Variants in LRRTM4 observed in about 807,000 individuals in gnomAD.
LRRTM4 encodes the protein leucine rich repeat transmembrane neuronal 4, also known as leucine-rich repeat transmembrane neuronal protein 4.
Under a neutral mutation model 47.6 loss-of-function variants are expected in LRRTM4, and 25 were observed. The ratio of observed to expected loss-of-function variants is 0.53; its 90% CI spans 0.38 to 0.73. LRRTM4 has a LOEUF of 0.73. Ranked by LOEUF, LRRTM4 falls within the 30% of genes least tolerant of loss-of-function variation. The pLI is 0.00. For synonymous variants in LRRTM4, 311 were observed against 269.5 expected (o/e 1.15, Z -1.51); for missense variants, 638 against 713.4 (o/e 0.89, Z 1.20).
intron 3 of LRRTM4, among the ~76,000 whole-genome samples, chr2:76,868,718 G>A (rs1035892702): frequency 1.1e-4 from 17 of 152,122 alleles, no homozygotes; most frequent in Non-Finnish European, 4.4e-5. Flanking sequence ...GCCGGAGGAA[G>A]CCTGGTCCCT....
chr2:76,784,273 G>A (rs1244391154), intron 3 of LRRTM4, among the ~76,000 whole-genome samples: 2 of 151,986 alleles, frequency 1.3e-5, no homozygotes, highest in African/African-American at 2.4e-5. Flanking sequence ...ATTAAGCGAT[G>A]CTTTATAATC....
intron 3 of LRRTM4, among the ~76,000 whole-genome samples, chr2:76,878,905 G>A (rs1158611595): frequency 6.6e-6 from 1 of 152,038 alleles, no homozygotes; most frequent in East Asian, 1.9e-4. Flanking sequence ...CAGCCTTACT[G>A]CTGATATGAA....
At chr2:76,939,258 T>C (rs1245149724) in intron 3 of LRRTM4, among the ~76,000 whole-genome samples, 2 of 152,184 alleles carry the variant, frequency 1.3e-5, no homozygotes. Flanking sequence ...CTTGCTCAGA[T>C]AACATTTCAG....
At chr2:77,063,902 A>G (rs1409851073) in intron 3 of LRRTM4, among the ~76,000 whole-genome samples, 1 of 152,152 alleles carries the variant, frequency 6.6e-6, no homozygotes, top group Non-Finnish European at 1.5e-5. Context: ...TAAAATAAAG[A>G]TGACTAATGG....
rs1029957821 is a variant in LRRTM4 at position 77,062,403 on chromosome 2, A to G, written c.1552-313487T>C. Among the ~76,000 whole-genome samples the G allele has an allele frequency of 2.6e-5, 4 of 152,332 alleles. No homozygotes were observed. The East Asian group carries it at 5.8e-4, about 22-fold the overall frequency. ...ATTCGAGTCCCTGCAGGAAAATGAT[A>G]AAACTCCAGAGTTGAGGAGAGTAGC... On this transcript the variant is annotated intron_variant, in intron 3 of 3. Coordinates refer to ENST00000409884, the MANE Select transcript of LRRTM4 (RefSeq NM_001134745.3).
At position 76,951,626 on chromosome 2, in the gene LRRTM4, T is replaced by A. The variant is rs566780221; in HGVS notation, c.1552-202710A>T. 2.4e-4 allele frequency among the ~76,000 whole-genome samples: 36 copies of A among 152,162 alleles called. 1 individual carries two copies. In the East Asian group the frequency reaches 6.6e-3, roughly 28 times the overall value. ...AACCTTCAGATAATAGATAATTTTT[T>A]TCTTTTACTTTAACTTCTGGGATAC... On this transcript the variant is annotated intron_variant, in intron 3 of 3. Coordinates refer to ENST00000409884, the MANE Select transcript of LRRTM4 (RefSeq NM_001134745.3).
At chr2:77,087,749 TA>T (rs771901206) in intron 3 of LRRTM4, among the ~76,000 whole-genome samples, 4 of 152,162 alleles carry the variant, frequency 2.6e-5, no homozygotes, top group Non-Finnish European at 5.9e-5. Context: ...CAAAGGTACA[TA>T]GCATTATCAA....
intron 3 of LRRTM4, chr2:77,516,878 G>C (rs567286980): frequency 1.0e-6 from 1 of 984,884 alleles, no homozygotes; most frequent in South Asian, 4.7e-5. Context: ...ATTTTCATTA[G>C]CATTTGTAGT....
chr2:76,837,253 G>A (rs909277265), intron 3 of LRRTM4, among the ~76,000 whole-genome samples: 20 of 150,434 alleles, frequency 1.3e-4, no homozygotes, highest in East Asian at 1.9e-4. Flanking sequence ...TTTTTATTGC[G>A]TCTATTTGAT....
intron 3 of LRRTM4, among the ~76,000 whole-genome samples, chr2:76,822,583 C>A (rs1375466687): frequency 6.6e-6 from 1 of 151,496 alleles, no homozygotes; most frequent in East Asian, 1.9e-4. Context: ...GCTAAACCAA[C>A]ATGTAAAAAA....
chr2:76,841,747 A>G (rs997285548), intron 3 of LRRTM4, among the ~76,000 whole-genome samples: 1 of 151,952 alleles, frequency 6.6e-6, no homozygotes, highest in African/African-American at 2.4e-5. Flanking sequence ...GAAAAATGTA[A>G]AAAAGTATAT....
chr2:77,257,665 G>T (rs1245943085), intron 3 of LRRTM4, among the ~76,000 whole-genome samples: 2 of 151,388 alleles, frequency 1.3e-5, no homozygotes, highest in Non-Finnish European at 2.9e-5. Flanking sequence ...GAAAATATTT[G>T]CAAAGCTGAG....
chr2:76,968,177 C>G (rs1358325082), intron 3 of LRRTM4, among the ~76,000 whole-genome samples: 2 of 150,630 alleles, frequency 1.3e-5, no homozygotes, highest in East Asian at 4.0e-4. Context: ...AAGTAGCTTA[C>G]AAGACATTCA....
chr2:77,072,936 A>G (rs1361093209), intron 3 of LRRTM4, among the ~76,000 whole-genome samples: 1 of 152,154 alleles, frequency 6.6e-6, no homozygotes, highest in African/African-American at 2.4e-5. Context: ...GTTAAGACAG[A>G]AGAAGCATAA....
At chr2:76,994,504 A>G (rs909495395) in intron 3 of LRRTM4, among the ~76,000 whole-genome samples, 12 of 151,592 alleles carry the variant, frequency 7.9e-5, no homozygotes, top group Admixed American at 4.6e-4. Flanking sequence ...CATGAGCAAT[A>G]AAATCCCATG....
intron 3 of LRRTM4, among the ~76,000 whole-genome samples, chr2:77,089,326 C>T (rs537025283): frequency 5.3e-5 from 8 of 151,080 alleles, no homozygotes; most frequent in African/African-American, 1.7e-4. Context: ...TCCCACTTTT[C>T]TAGAGGAGGG....
intron 3 of LRRTM4, among the ~76,000 whole-genome samples, chr2:77,132,730 C>T (rs1342668378): frequency 6.6e-6 from 1 of 152,176 alleles, no homozygotes; most frequent in Non-Finnish European, 1.5e-5. Flanking sequence ...AGGGCAAAGC[C>T]TTCATCAATG....
At chr2:77,476,923 C>G (rs1677416223) in intron 3 of LRRTM4, among the ~76,000 whole-genome samples, 1 of 150,106 alleles carries the variant, frequency 6.7e-6, no homozygotes, top group African/African-American at 2.5e-5. Flanking sequence ...CTAAGAATAG[C>G]AAAAGTAAAT....
chr2:77,151,002 G>C (rs1001702003), intron 3 of LRRTM4, among the ~76,000 whole-genome samples: 1 of 151,972 alleles, frequency 6.6e-6, no homozygotes, highest in Non-Finnish European at 1.5e-5. Flanking sequence ...GAAATAATTG[G>C]TATACGAAAA....
Sources: gnomAD v4.1 joint callset for allele counts (sites outside exome capture counted in the v4.1 genomes callset) on GRCh38, gnomAD v4.1.1 for gene constraint, MANE v1.5 for transcripts, NCBI Gene and HGNC (gene_info 2026-07-23, HGNC 2026-07-21) for gene names.